The following ZSWIM7 variants were observed in gnomAD, a reference collection of about 807,000 sequenced individuals.
ZSWIM7 encodes the protein zinc finger SWIM-type containing 7, also known as zinc finger SWIM domain-containing protein 7.
ZSWIM7 carries 22 observed loss-of-function variants against 21.1 expected under a neutral mutation model. The ratio of observed to expected loss-of-function variants is 1.04; its 90% CI spans 0.74 to 1.49. ZSWIM7 has a LOEUF of 1.49. Among genes scored for constraint, ZSWIM7 ranks in the 40% most tolerant of loss-of-function variants. ZSWIM7 has a pLI of 0.00. For synonymous variants in ZSWIM7, 67 were observed against 66.5 expected (o/e 1.01, Z -0.04); for missense variants, 193 against 168.0 (o/e 1.15, Z -0.82).
chr17:15,986,884 AC>A (rs1357127705), intron 3 of ZSWIM7: 5 of 154,478 alleles, frequency 3.2e-5, no homozygotes, highest in African/African-American at 4.8e-5. Flanking sequence ...ACATAGTGAG[AC>A]CCTGTCTCTA....
At chr17:15,982,049 A>G (rs765248388) in intron 3 of ZSWIM7, among the ~76,000 whole-genome samples, 9 of 152,192 alleles carry the variant, frequency 5.9e-5, no homozygotes, top group Non-Finnish European at 1.0e-4. Context: ...TGGAGGTCTC[A>G]GGAAAAGAGG....
chr17:15,992,130 T>C (rs1970494598), intron 2 of ZSWIM7, among the ~76,000 whole-genome samples: 1 of 152,100 alleles, frequency 6.6e-6, no homozygotes, highest in South Asian at 2.1e-4. Flanking sequence ...TTTCACCATG[T>C]TGGTCAGGCT....
intron 3 of ZSWIM7, among the ~76,000 whole-genome samples, chr17:15,985,946 G>A (rs577096238): frequency 1.3e-5 from 2 of 152,214 alleles, no homozygotes; most frequent in African/African-American, 4.8e-5. Context: ...CAAGTTCAGT[G>A]ACTTTGATTA....
At chr17:15,985,525 TTACCA>T (rs1441256122) in intron 3 of ZSWIM7, among the ~76,000 whole-genome samples, 1 of 152,280 alleles carries the variant, frequency 6.6e-6, no homozygotes, top group East Asian at 1.9e-4. Context: ...TCTTACTATA[TTACCA>T]TACAATGCAA....
chr17:15,997,231 T>C (rs1175051837), intron 1 of ZSWIM7, among the ~76,000 whole-genome samples: 1 of 150,698 alleles, frequency 6.6e-6, no homozygotes, highest in East Asian at 1.9e-4. Context: ...CCAACAAAGA[T>C]ACAGAGAATT....
chr17:15,996,428 C>T (rs1970556107), intron 1 of ZSWIM7, among the ~76,000 whole-genome samples: 1 of 152,012 alleles, frequency 6.6e-6, no homozygotes, highest in Non-Finnish European at 1.5e-5. Context: ...GAAGGATCGC[C>T]TGAGCCCAGG....
At chr17:15,993,667 A>T (rs1277599931) in intron 2 of ZSWIM7, 90 bp downstream of exon 2, 1 of 1,063,828 alleles carries the variant, frequency 9.4e-7, no homozygotes, top group East Asian at 2.5e-5. Flanking sequence ...CGCCCGGTCA[A>T]GAGTATTTTT....
chr17:15,978,575 G>C (rs1460604662), intron 4 of ZSWIM7, among the ~76,000 whole-genome samples: 1 of 152,208 alleles, frequency 6.6e-6, no homozygotes, highest in African/African-American at 2.4e-5. Flanking sequence ...TACAGCCTGG[G>C]TGACAGAGCC....
intron 3 of ZSWIM7, among the ~76,000 whole-genome samples, chr17:15,985,424 G>A (rs1015921359): frequency 4.6e-5 from 7 of 152,164 alleles, no homozygotes; most frequent in African/African-American, 1.7e-4. Flanking sequence ...ATGGGATGAA[G>A]AATGACCTAT....
At position 15,999,700 on chromosome 17, in the gene ZSWIM7, G is replaced by A. The variant is rs1320967657; in HGVS notation, c.-106C>T. On this transcript the variant is annotated 5_prime_UTR_variant, in exon 1 of 5. Transcript: ENST00000399277. ...ACCCCCCGCCGGGGCAGGGCGAGACGGAGTGACGTCGGGGCGCGTCATCGC... is the reference window on the plus strand; with the variant it reads ...ACCCCCCGCCGGGGCAGGGCGAGACAGAGTGACGTCGGGGCGCGTCATCGC... 9 of 1,553,850 alleles carry A rather than the reference G, an allele frequency of 5.8e-6. No individual in the cohort carries two copies. The highest frequency in any genetic ancestry group is 1.4e-5 in the African/African-American group (1 of 73,406).
rs1970421843 is a variant in ZSWIM7, at chr17:15,987,117, T to C, written c.201+149A>G. ...AAAAGTAAATAAAAATTTTAAAAAATTATCAATTCGTTAATTTTACCAAGT... is the reference window on the plus strand; with the variant it reads ...AAAAGTAAATAAAAATTTTAAAAAACTATCAATTCGTTAATTTTACCAAGT... On this transcript the variant is annotated intron_variant, in intron 3 of 4. Transcript: ENST00000399277. 8 of 553,916 alleles carry C rather than the reference T, an allele frequency of 1.4e-5. No homozygotes were observed. In the South Asian group the frequency reaches 2.5e-4, roughly 17 times the overall value. 34.3% of individuals were successfully genotyped at this position (553,916 alleles called of 1,614,324 possible). A position where few individuals can be genotyped will look rare whatever the true frequency, so the allele number is the denominator to read the frequency against.
chr17:15,979,133 C>T (rs963655945), intron 4 of ZSWIM7, among the ~76,000 whole-genome samples: 3 of 151,308 alleles, frequency 2.0e-5, no homozygotes, highest in South Asian at 4.2e-4. Context: ...GAGGACCCTG[C>T]GGCCTTCCGC....
rs112347584 is a variant in ZSWIM7 at position 15,980,039 on chromosome 17, C to T, written c.306+1001G>A. 2.5e-3 allele frequency among the ~76,000 whole-genome samples: 296 copies of T among 118,256 alleles called. 1 individual carries two copies. The highest frequency in any genetic ancestry group is 9.3e-3 in the African/African-American group (277 of 29,910). The allele number at this position is 118,256 out of a possible 152,430, so 77.6% of individuals were successfully genotyped here. ...GGCGGCTGGCCGGGCGGGGGGCTGACCCCCCCACCTCCCTCCCGGACGGGG... is the reference window on the plus strand; with the variant it reads ...GGCGGCTGGCCGGGCGGGGGGCTGATCCCCCCACCTCCCTCCCGGACGGGG... On this transcript the variant is annotated intron_variant, in intron 4 of 4. Coordinates refer to ENST00000399277, the MANE Select transcript of ZSWIM7 (RefSeq NM_001042697.2).
chr17:15,985,946 G>C (rs577096238), intron 3 of ZSWIM7, among the ~76,000 whole-genome samples: 72 of 152,332 alleles, frequency 4.7e-4, no homozygotes, highest in African/African-American at 1.7e-3. Context: ...CAAGTTCAGT[G>C]ACTTTGATTA....
At chr17:15,996,519 G>A (rs1479663451) in intron 1 of ZSWIM7, among the ~76,000 whole-genome samples, 5 of 151,974 alleles carry the variant, frequency 3.3e-5, no homozygotes, top group African/African-American at 1.2e-4. Flanking sequence ...AGGTGTGATT[G>A]CGCAACTGTA....
At chr17:15,982,285 T>C (rs1246166589) in intron 3 of ZSWIM7, among the ~76,000 whole-genome samples, 1 of 152,156 alleles carries the variant, frequency 6.6e-6, no homozygotes, top group African/African-American at 2.4e-5. Context: ...TTTGTTGAGG[T>C]CTTCATTCCT....
intron 3 of ZSWIM7, among the ~76,000 whole-genome samples, chr17:15,981,848 C>T (rs1970359808): frequency 6.6e-6 from 1 of 152,152 alleles, no homozygotes; most frequent in Non-Finnish European, 1.5e-5. Flanking sequence ...CCTGGGAGGT[C>T]AAGGCTGCAG....
intron 1 of ZSWIM7, among the ~76,000 whole-genome samples, chr17:15,996,754 G>A (rs544622681): frequency 6.6e-6 from 1 of 151,898 alleles, no homozygotes; most frequent in East Asian, 1.9e-4. Context: ...AGGAGGCTGA[G>A]ACAAGAGGAT....
chr17:15,994,519 C>T (rs1217120125), intron 1 of ZSWIM7, among the ~76,000 whole-genome samples: 2 of 152,126 alleles, frequency 1.3e-5, no homozygotes, highest in African/African-American at 2.4e-5. Context: ...AGACTCTTTT[C>T]GAGTACGTTT....
Sources: gnomAD v4.1 joint callset for allele counts (sites outside exome capture counted in the v4.1 genomes callset) on GRCh38, gnomAD v4.1.1 for gene constraint, MANE v1.5 for transcripts, NCBI Gene and HGNC (gene_info 2026-07-23, HGNC 2026-07-21) for gene names.